Variants in MCU observed in about 807,000 individuals in gnomAD.
The protein encoded by MCU is mitochondrial calcium uniporter.
MCU carries 12 observed loss-of-function variants against 45.2 expected under a neutral mutation model. The ratio of observed to expected loss-of-function variants is 0.27; its 90% CI spans 0.17 to 0.43. MCU has a LOEUF of 0.43. MCU is among the 20% of genes least tolerant of loss of function. The probability of loss-of-function intolerance (pLI) is 1.00; values close to 1 mark genes in which losing one functional copy is unlikely to be tolerated. For synonymous variants in MCU, 160 were observed against 165.1 expected, an observed-to-expected ratio of 0.97 and a Z score of 0.24; for missense variants, 324 against 436.7, an observed-to-expected ratio of 0.74 and a Z score of 2.30.
At chr10:72,877,360 G>GT (rs1380525032) in intron 6 of MCU, among the ~76,000 whole-genome samples, 1 of 152,190 alleles carries the variant, frequency 6.6e-6, no homozygotes, top group Non-Finnish European at 1.5e-5. Flanking sequence ...GAATAGCCTA[G>GT]TAGCAGCATG....
At chr10:72,881,202 A>G (rs1255151049) in intron 6 of MCU, among the ~76,000 whole-genome samples, 1 of 152,196 alleles carries the variant, frequency 6.6e-6, no homozygotes, top group East Asian at 1.9e-4. Context: ...ACAATTAAAT[A>G]CCTATATTAA....
chr10:72,884,491 C>T, intron 7 of MCU, 109 bp downstream of exon 7: 1 of 665,804 alleles, frequency 1.5e-6, no homozygotes, highest in Non-Finnish European at 2.7e-6. Flanking sequence ...TGTTCCAACC[C>T]TCTTCTTCCT....
chr10:72,819,873 A>G (rs888969431), intron 1 of MCU, among the ~76,000 whole-genome samples: 1 of 152,044 alleles, frequency 6.6e-6, no homozygotes, highest in Non-Finnish European at 1.5e-5. Context: ...AGTTGATAGT[A>G]GTATATAGTT....
At chr10:72,693,875 A>G (rs1842655769) in intron 1 of MCU, among the ~76,000 whole-genome samples, 2 of 152,242 alleles carry the variant, frequency 1.3e-5, no homozygotes, top group South Asian at 4.1e-4. Flanking sequence ...GTTGTCCTTA[A>G]GTCCATATTT....
Position 72,885,749 on chromosome 10 carries a change from A to C in MCU, c.983A>C (p.Glu328Ala). 6.2e-7 allele frequency: 1 copy of C among 1,612,270 alleles called. No homozygotes were observed. The highest frequency in any genetic ancestry group is 8.5e-7 in the Non-Finnish European group (1 of 1,178,570). The change falls in exon 8 of 8, where the codon GAA becomes GCA. Residue 328 changes from glutamate to alanine, a missense_variant. Glu to Ala is a moderately radical substitution (Grantham distance 107, BLOSUM62 -1). Coordinates refer to ENST00000373053, the MANE Select transcript of MCU (RefSeq NM_138357.3). ...NQLKDAIAQAEMDLKRLRDPL... is the reference protein window; with the variant it reads ...NQLKDAIAQAAMDLKRLRDPL... ...CACCTTTTGTTTCTATTTTAGGCAG[A>C]AATGGACCTTAAGAGACTGAGAGAC...
chr10:72,880,796 T>A (rs1464146011), intron 6 of MCU, among the ~76,000 whole-genome samples: 1 of 151,912 alleles, frequency 6.6e-6, no homozygotes, highest in Non-Finnish European at 1.5e-5. Context: ...AATAGAAGAG[T>A]ATAGAAACAG....
chr10:72,766,230 A>G (rs1365879848), intron 1 of MCU, among the ~76,000 whole-genome samples: 1 of 152,230 alleles, frequency 6.6e-6, no homozygotes, highest in Non-Finnish European at 1.5e-5. Context: ...GCAAATTTCA[A>G]GTACCTTTTG....
At position 72,697,920 on chromosome 10, in the gene MCU, G is replaced by A. The variant is rs139100938; in HGVS notation, c.150+5619G>A. On this transcript the variant is annotated intron_variant, in intron 1 of 7. Transcript: ENST00000373053. ...GTAGCTGGGTATATAGGCATGTGATGTGTCACCATGCCTAGCTCATAAAAA... is the reference window on the plus strand; with the variant it reads ...GTAGCTGGGTATATAGGCATGTGATATGTCACCATGCCTAGCTCATAAAAA... 3.1e-3 allele frequency among the ~76,000 whole-genome samples: 469 copies of A among 151,440 alleles called. 2 individuals are homozygous for A. Among genetic ancestry groups the A allele is most frequent in the African/African-American group, 0.011 (436 of 41,344 alleles).
intron 1 of MCU, among the ~76,000 whole-genome samples, chr10:72,701,599 T>G (rs1276144260): frequency 6.6e-6 from 1 of 152,132 alleles, no homozygotes; most frequent in Non-Finnish European, 1.5e-5. Context: ...CGATCTCGGC[T>G]CACTGCAAGC....
At chr10:72,806,308 CCACCA>C (rs1844448270) in intron 1 of MCU, among the ~76,000 whole-genome samples, 1 of 152,124 alleles carries the variant, frequency 6.6e-6, no homozygotes, top group African/African-American at 2.4e-5. Flanking sequence ...CAGGCATGCA[CCACCA>C]CACCTGGTTA....
At chr10:72,805,112 T>TTTCC (rs1487457947) in intron 1 of MCU, among the ~76,000 whole-genome samples, 1 of 122,486 alleles carries the variant, frequency 8.2e-6, no homozygotes, top group East Asian at 2.6e-4. Context: ...TCTTTCTTTC[T>TTTCC]TTCTTTCTTT....
chr10:72,847,564 A>G (rs1268645607), intron 2 of MCU, among the ~76,000 whole-genome samples: 5 of 152,210 alleles, frequency 3.3e-5, no homozygotes, highest in Non-Finnish European at 7.3e-5. Flanking sequence ...CTGGGTATTC[A>G]CTGAGAGTCT....
chr10:72,735,073 C>CAA (rs746175227), intron 1 of MCU, among the ~76,000 whole-genome samples: 4 of 98,464 alleles, frequency 4.1e-5, no homozygotes, highest in African/African-American at 3.8e-5. Context: ...GAGATTGTCT[C>CAA]AAAAAAAAAA....
chr10:72,805,237 C>CT (rs1564562427), intron 1 of MCU, among the ~76,000 whole-genome samples: 1 of 134,550 alleles, frequency 7.4e-6, no homozygotes, highest in Non-Finnish European at 1.6e-5. Flanking sequence ...TTTTCCTTTC[C>CT]TTTTTCCTTT....
intron 1 of MCU, among the ~76,000 whole-genome samples, chr10:72,796,842 C>T (rs1016557830): frequency 4.6e-5 from 7 of 151,826 alleles, no homozygotes. Context: ...TCTATTTCCT[C>T]CTTGACCAAG....
chr10:72,710,764 C>A (rs1455185972), intron 1 of MCU, among the ~76,000 whole-genome samples: 1 of 151,944 alleles, frequency 6.6e-6, no homozygotes, highest in Non-Finnish European at 1.5e-5. Context: ...ATTCCTTAGA[C>A]CTCTCTCCCA....
chr10:72,740,119 C>T (rs982652593), intron 1 of MCU, among the ~76,000 whole-genome samples: 2 of 152,024 alleles, frequency 1.3e-5, no homozygotes, highest in African/African-American at 2.4e-5. Context: ...CGGTGGCTCA[C>T]GCCTGTAATC....
In MCU at chr10:72,751,341, C is replaced by CTTTTTTTTTTTTTTTTTTTTT. The variant is rs71021528; in HGVS notation, c.150+59050_150+59070dup. Among the ~76,000 whole-genome samples the CTTTTTTTTTTTTTTTTTTTTT allele has an allele frequency of 1.3e-4, 6 of 44,740 alleles. 1 individual carries two copies. Among genetic ancestry groups the CTTTTTTTTTTTTTTTTTTTTT allele is most frequent in the Admixed American group, 3.3e-4 (1 of 3,072 alleles). The allele number at this position is 44,740 out of a possible 152,430, so 29.4% of individuals were successfully genotyped here. A position where few individuals can be genotyped will look rare whatever the true frequency, so the allele number is the denominator to read the frequency against. ...TTTTCTCTAACATCTTCTTCTTCTT[C>CTTTTTTTTTTTTTTTTTTTTT]TTTTTTTTTTTTTTTTTTTTTTTTT... On this transcript the variant is annotated intron_variant, in intron 1 of 7. Transcript: ENST00000373053.
intron 2 of MCU, among the ~76,000 whole-genome samples, chr10:72,841,228 A>G (rs1001284409): frequency 6.6e-6 from 1 of 152,182 alleles, no homozygotes; most frequent in African/African-American, 2.4e-5. Flanking sequence ...GAAAATTACA[A>G]AGGCTGTTAA....
Sources: gnomAD v4.1 joint callset for allele counts (sites outside exome capture counted in the v4.1 genomes callset) on GRCh38, gnomAD v4.1.1 for gene constraint, MANE v1.5 for transcripts, NCBI Gene and HGNC (gene_info 2026-07-23, HGNC 2026-07-21) for gene names.